Variants in PRTG observed in about 807,000 individuals in gnomAD.
PRTG encodes the protein protogenin.
PRTG carries 67 observed loss-of-function variants against 122.5 expected under a neutral mutation model. The ratio of observed to expected loss-of-function variants is 0.55; its 90% CI spans 0.45 to 0.67. The LOEUF (loss-of-function observed/expected upper bound fraction) is 0.67. Among genes scored for constraint, PRTG ranks in the 30% least tolerant of loss-of-function variants. The pLI is 0.00. For missense variants in PRTG, 1,435 were observed against 1,415.4 expected (o/e 1.01, Z -0.22); for synonymous variants, 554 against 501.1 (o/e 1.11, Z -1.41).
chr15:55,709,145 C>CAAAAA (rs3985769), intron 2 of PRTG, among the ~76,000 whole-genome samples: 1 of 51,832 alleles, frequency 1.9e-5, no homozygotes, highest in African/African-American at 8.0e-5. Flanking sequence ...GACTCTGTCT[C>CAAAAA]AAAAAAAAAA....
At chr15:55,648,821 G>A (rs1012762403) in intron 11 of PRTG, among the ~76,000 whole-genome samples, 5 of 152,050 alleles carry the variant, frequency 3.3e-5, no homozygotes, top group East Asian at 1.9e-4. Context: ...TGTATTGGCC[G>A]GGCACGGTGG....
chr15:55,664,104 GTTTT>G, intron 11 of PRTG, among the ~76,000 whole-genome samples: 1 of 152,088 alleles, frequency 6.6e-6, no homozygotes. Context: ...TTTGTGTACA[GTTTT>G]TTTGTCTTGT....
intron 13 of PRTG, among the ~76,000 whole-genome samples, chr15:55,638,979 TTC>T: frequency 6.6e-6 from 1 of 152,020 alleles, no homozygotes; most frequent in East Asian, 1.9e-4. Flanking sequence ...CATTCATTCA[TTC>T]ATTCATTCAT....
intron 15 of PRTG, among the ~76,000 whole-genome samples, chr15:55,635,374 G>A (rs202001112): frequency 1.3e-4 from 20 of 152,288 alleles, no homozygotes; most frequent in African/African-American, 4.8e-4. Flanking sequence ...ACAGGCATGA[G>A]CCACTGCGCC....
At chr15:55,685,673 A>T (rs115787487) in intron 2 of PRTG, among the ~76,000 whole-genome samples, 1,602 of 152,290 alleles carry the variant, frequency 0.011, 31 homozygotes, top group African/African-American at 0.037. Flanking sequence ...TTAATATGTG[A>T]TGCATAAATG....
chr15:55,641,594 T>C (rs193018230), intron 11 of PRTG, among the ~76,000 whole-genome samples: 45 of 152,344 alleles, frequency 3.0e-4, no homozygotes, highest in South Asian at 1.7e-3. Flanking sequence ...TAAGCAGTTA[T>C]ATTTGAGGGC....
At chr15:55,722,809 T>C (rs1235938262) in intron 2 of PRTG, among the ~76,000 whole-genome samples, 1 of 152,190 alleles carries the variant, frequency 6.6e-6, no homozygotes, top group Non-Finnish European at 1.5e-5. Flanking sequence ...CAGCAAAGTT[T>C]TGGCTTGAAG....
intron 17 of PRTG, among the ~76,000 whole-genome samples, chr15:55,625,323 T>C (rs2059188744): frequency 6.6e-6 from 1 of 152,240 alleles, no homozygotes. Context: ...TTAACCCTTG[T>C]CTAGAGAATC....
In PRTG at chr15:55,683,878, C is replaced by T. The variant is rs2059555400; in HGVS notation, c.451G>A (p.Val151Ile). Residue 151 changes from valine to isoleucine, a missense_variant, in exon 3 of 20, where the codon GTT (valine) becomes ATT (isoleucine). Transcript: ENST00000389286. ...GAAATCTTGCATGCAAATCGAGCAACTCCACCTTCGTGGACCTCAGTGGAA... is the reference window on the plus strand; with the variant it reads ...GAAATCTTGCATGCAAATCGAGCAATTCCACCTTCGTGGACCTCAGTGGAA... Reference protein sequence around the residue: ...PISTEVHEGGVARFACKISSH... With the variant: ...PISTEVHEGGIARFACKISSH... 2 of 1,613,780 alleles carry T rather than the reference C, an allele frequency of 1.2e-6. No individual in the cohort carries two copies. The highest frequency in any genetic ancestry group is 4.5e-5 in the East Asian group (2 of 44,846).
At chr15:55,676,137 C>T (rs2059501564) in intron 8 of PRTG, among the ~76,000 whole-genome samples, 1 of 152,076 alleles carries the variant, frequency 6.6e-6, no homozygotes, top group Non-Finnish European at 1.5e-5. Context: ...AGAAGTTGTC[C>T]TGCGAAAGAT....
intron 15 of PRTG, among the ~76,000 whole-genome samples, chr15:55,633,785 G>T (rs1332322453): frequency 6.6e-6 from 1 of 151,998 alleles, no homozygotes; most frequent in Non-Finnish European, 1.5e-5. Context: ...TGATTTATTT[G>T]TTCTCTATGA....
chr15:55,628,738 G>T, intron 16 of PRTG, 84 bp downstream of exon 16: 4 of 1,066,522 alleles, frequency 3.8e-6, no homozygotes, highest in Non-Finnish European at 4.0e-6. Flanking sequence ...TAGGGATACA[G>T]CAATTGTAGG....
intron 11 of PRTG, among the ~76,000 whole-genome samples, chr15:55,666,250 G>A (rs1331679692): frequency 6.6e-6 from 1 of 152,112 alleles, no homozygotes; most frequent in African/African-American, 2.4e-5. Context: ...GCATGCTCTG[G>A]GCATTTCTTC....
At chr15:55,723,362 C>A (rs2030899830) in intron 2 of PRTG, among the ~76,000 whole-genome samples, 2 of 137,238 alleles carry the variant, frequency 1.5e-5, no homozygotes. Flanking sequence ...AAGACACAAA[C>A]AGAAACCATA....
chr15:55,669,606 A>T, intron 11 of PRTG, among the ~76,000 whole-genome samples: 1 of 152,252 alleles, frequency 6.6e-6, no homozygotes, highest in East Asian at 1.9e-4. Flanking sequence ...CAAGGCCCCA[A>T]CACTGACCTT....
Position 55,620,168 on chromosome 15 carries a change from G to C in PRTG, c.3297C>G (p.Thr1099=), listed in dbSNP as rs1458533649. ...CAACACCAAAGGGTCTTGAGAAGCT[G>C]GTTGTCTGACCTGGGGAGCTAGGGG... is the stretch of plus-strand genomic sequence containing the variant. ...EDSPSSPGQT[T]SFSRPFGVAA... The change falls in exon 20 of 20, where the codon ACC becomes ACG. Residue 1099 remains threonine (T), a synonymous_variant. Transcript: ENST00000389286. The C allele has an allele frequency of 3.1e-6, 5 of 1,614,076 alleles. No homozygotes were observed. Among genetic ancestry groups the C allele is most frequent in the Non-Finnish European group, 4.2e-6 (5 of 1,180,034 alleles).
Position 55,723,929 on chromosome 15 carries a change from T to C in PRTG, c.397+16453A>G, listed in dbSNP as rs149046382. On this transcript the variant is annotated intron_variant, in intron 2 of 19. Coordinates refer to ENST00000389286, the MANE Select transcript of PRTG (RefSeq NM_173814.6). Reference sequence around the variant, plus strand: ...ACCACACCTAGCTAATTGTTTGTATTTTTAGTAGAGGTGGGGTTTCACCAT... The same window carrying C: ...ACCACACCTAGCTAATTGTTTGTATCTTTAGTAGAGGTGGGGTTTCACCAT... 4.7e-3 allele frequency among the ~76,000 whole-genome samples: 716 copies of C among 152,116 alleles called. 7 individuals are homozygous for C. Among genetic ancestry groups the C allele is most frequent in the African/African-American group, 0.016 (675 of 41,470 alleles).
intron 7 of PRTG, 44 bp downstream of exon 7, chr15:55,679,242 C>T: frequency 7.7e-7 from 1 of 1,305,644 alleles, no homozygotes. Flanking sequence ...ATTACTAAAG[C>T]CATTATATCA....
intron 15 of PRTG, among the ~76,000 whole-genome samples, chr15:55,634,668 C>A (rs1243861261): frequency 6.6e-6 from 1 of 151,810 alleles, no homozygotes; most frequent in Non-Finnish European, 1.5e-5. Flanking sequence ...CAGTGAAACA[C>A]CCGTCTCTAC....
Sources: allele counts gnomAD v4.1 joint callset (sites outside exome capture counted in the v4.1 genomes callset), GRCh38; gene constraint gnomAD v4.1.1; transcripts MANE v1.5; gene names NCBI Gene and HGNC (gene_info 2026-07-23, HGNC 2026-07-21).